The following MTCL1 variants were observed in gnomAD, a reference collection of about 807,000 sequenced individuals.
The protein encoded by MTCL1 is microtubule cross-linking factor 1.
MTCL1 carries 79 observed loss-of-function variants against 141.4 expected under a neutral mutation model. That is an observed-to-expected ratio of 0.56 (90% CI 0.47 to 0.67). The LOEUF (loss-of-function observed/expected upper bound fraction) is 0.67, where lower values mean the gene tolerates loss of function less well. Among genes scored for constraint, MTCL1 ranks in the 30% least tolerant of loss-of-function variants. The pLI, the probability that MTCL1 is intolerant of heterozygous loss-of-function variation, is 0.00. For missense variants in MTCL1, 2,177 were observed against 2,113.9 expected, an observed-to-expected ratio of 1.03 and a Z score of -0.59; for synonymous variants, 914 against 875.8, an observed-to-expected ratio of 1.04 and a Z score of -0.77.
intron 11 of MTCL1, among the ~76,000 whole-genome samples, chr18:8,808,529 G>C (rs937772640): frequency 6.6e-6 from 1 of 152,194 alleles, no homozygotes; most frequent in East Asian, 1.9e-4. Flanking sequence ...GTAATAGGTA[G>C]AGAGTTTATC....
chr18:8,826,146 G>T lies in MTCL1; in HGVS notation c.4636G>T (p.Glu1546Ter). The change falls in exon 15 of 17, where the codon GAG becomes TAG. Residue 1546 changes from glutamate (E) to a stop codon, truncating the protein, a stop_gained. Transcript: ENST00000359865. LOFTEE classifies it high-confidence loss of function. ...GCTGCTGGAACATGCCTTAAAGGAG[G>T]AGAGGAGGCAGGCTGCCCACGGGCC... 6.2e-7 allele frequency: 1 copy of T among 1,613,482 alleles called. No homozygotes were observed. Among genetic ancestry groups the T allele is most frequent in the South Asian group, 1.1e-5 (1 of 90,886 alleles).
chr18:8,720,117 C>A, intron 3 of MTCL1: 2 of 495,162 alleles, frequency 4.0e-6, no homozygotes, highest in South Asian at 3.2e-5. Context: ...GATAATGCAC[C>A]ACCATCAGAC....
intron 12 of MTCL1, among the ~76,000 whole-genome samples, chr18:8,815,827 T>C (rs1270345692): frequency 1.3e-5 from 2 of 152,050 alleles, no homozygotes; most frequent in Non-Finnish European, 2.9e-5. Flanking sequence ...TCTTTGAGCA[T>C]CATAGATCTG....
At chr18:8,763,397 C>T (rs939615386) in intron 4 of MTCL1, among the ~76,000 whole-genome samples, 2 of 152,224 alleles carry the variant, frequency 1.3e-5, no homozygotes, top group East Asian at 1.9e-4. Flanking sequence ...CTAAGTCTCT[C>T]CTCATTTTTT....
upstream of MTCL1, among the ~76,000 whole-genome samples, chr18:8,716,569 A>ATTTTTTTTTTTTTTTTT (rs138840096): frequency 9.6e-6 from 1 of 103,896 alleles, no homozygotes; most frequent in Non-Finnish European, 1.9e-5. Flanking sequence ...CTTTTTGTTC[A>ATTTTTTTTTTTTTTTTT]TTTTTTTTTT....
chr18:8,771,933 G>C lies in MTCL1; in HGVS notation c.358-5900G>C, dbSNP rs79346997. ...GTTCCCTTCATTGTTCCTTGGAAGA[G>C]ACTCTCCACTGGCTCTCTGAGGCAT... is the stretch of plus-strand genomic sequence containing the variant. On this transcript the variant is annotated intron_variant, in intron 4 of 16. Transcript: ENST00000359865. 1.4e-4 allele frequency among the ~76,000 whole-genome samples: 21 copies of C among 152,350 alleles called. No individual in the cohort carries two copies. The East Asian group carries it at 3.1e-3, about 22-fold the overall frequency.
chr18:8,712,554 A>G (rs2096100231), upstream of MTCL1, among the ~76,000 whole-genome samples: 1 of 152,218 alleles, frequency 6.6e-6, no homozygotes, highest in African/African-American at 2.4e-5. Flanking sequence ...AGAAGGGTTA[A>G]CATGGACAGT....
At chr18:8,771,898 G>A (rs764142455) in intron 4 of MTCL1, among the ~76,000 whole-genome samples, 1 of 152,202 alleles carries the variant, frequency 6.6e-6, no homozygotes. Context: ...TTAATAGTCT[G>A]CATTTACCTG....
chr18:8,754,219 C>T (rs1181076801), intron 4 of MTCL1, among the ~76,000 whole-genome samples: 4 of 152,126 alleles, frequency 2.6e-5, no homozygotes, highest in Admixed American at 2.6e-4. Flanking sequence ...CACAGGTGTG[C>T]ACCACCACGC....
chr18:8,716,446 C>T (rs774040948), upstream of MTCL1, among the ~76,000 whole-genome samples: 3 of 152,136 alleles, frequency 2.0e-5, no homozygotes, highest in Non-Finnish European at 4.4e-5. Context: ...ACCGAAGCAT[C>T]ATCATCACCC....
At chr18:8,795,476 CT>C (rs1297180930) in intron 8 of MTCL1, among the ~76,000 whole-genome samples, 6 of 152,146 alleles carry the variant, frequency 3.9e-5, no homozygotes, top group African/African-American at 4.8e-5. Flanking sequence ...TTCACGCTTA[CT>C]TTTTAGTATT....
At chr18:8,818,914 A>G (rs766000459) in intron 12 of MTCL1, 49 bp from the exon 12 acceptor site, 1 of 1,560,216 alleles carries the variant, frequency 6.4e-7, no homozygotes, top group Non-Finnish European at 8.7e-7. Flanking sequence ...TAGGGAGACC[A>G]TCAGACAGAA....
chr18:8,743,857 C>T (rs922837158), intron 4 of MTCL1, among the ~76,000 whole-genome samples: 1 of 152,090 alleles, frequency 6.6e-6, no homozygotes, highest in African/African-American at 2.4e-5. Flanking sequence ...GGATCAAGGA[C>T]GTGGATATTT....
chr18:8,762,023 A>T (rs1402733135), intron 4 of MTCL1, among the ~76,000 whole-genome samples: 1 of 152,150 alleles, frequency 6.6e-6, no homozygotes. Flanking sequence ...ATTCCTTTCT[A>T]TGTCTGAATA....
At chr18:8,819,310 G>A (rs747415417) in intron 13 of MTCL1, 51 bp downstream of exon 12, 26 of 1,584,202 alleles carry the variant, frequency 1.6e-5, no homozygotes, top group Middle Eastern at 2.0e-4. Flanking sequence ...TGAGGGAGCC[G>A]TCATGAAACC....
chr18:8,736,516 A>G (rs2096275109), intron 4 of MTCL1, among the ~76,000 whole-genome samples: 1 of 152,162 alleles, frequency 6.6e-6, no homozygotes, highest in African/African-American at 2.4e-5. Context: ...TTATTGCAAT[A>G]CTGTGCTGAA....
At position 8,779,239 on chromosome 18, in the gene MTCL1, T is replaced by C. The variant is rs1437386329; in HGVS notation, c.417+1347T>C. On this transcript the variant is annotated intron_variant, in intron 5 of 16. Coordinates refer to ENST00000359865, the Ensembl canonical transcript of MTCL1. This position sits in a 1 kb window ranked among gnomAD's most constrained non-coding sequence, Gnocchi z 4.1. ...CCTTTCCCGCTGGTGGTGATGGTGG[T>C]GGGCCCCTGGGTGTCTCCCCTCCTG... Among the ~76,000 whole-genome samples the C allele has an allele frequency of 6.6e-6, 1 of 152,086 alleles. No homozygotes were observed. Among genetic ancestry groups the C allele is most frequent in the Non-Finnish European group, 1.5e-5 (1 of 67,984 alleles).
At chr18:8,829,800 A>G (rs7240816) in intron 16 of MTCL1, 96,407 of 985,180 alleles carry the variant, frequency 0.098, 4,862 homozygotes, top group East Asian at 0.12. Flanking sequence ...CCATGCAGCG[A>G]CCACAGTGGC....
intron 4 of MTCL1, among the ~76,000 whole-genome samples, chr18:8,770,738 TATC>T (rs1037759335): frequency 6.6e-6 from 1 of 152,186 alleles, no homozygotes; most frequent in Non-Finnish European, 1.5e-5. Flanking sequence ...TAGTTGTTAA[TATC>T]ATTATCATCA....
Sources: gnomAD v4.1 joint callset for allele counts (sites outside exome capture counted in the v4.1 genomes callset) on GRCh38, gnomAD v4.1.1 for gene constraint, Gnocchi (gnomAD v3.1) non-coding constraint, MANE v1.5 for transcripts, NCBI Gene and HGNC (gene_info 2026-07-23, HGNC 2026-07-21) for gene names.